Variants in SEPTIN7 observed in about 807,000 individuals in gnomAD.
SEPTIN7 encodes the protein septin 7.
Under a neutral mutation model 63.3 loss-of-function variants are expected in SEPTIN7, and 10 were observed. The ratio of observed to expected loss-of-function variants is 0.16; its 90% CI spans 0.10 to 0.27. The LOEUF is 0.27. Ranked by LOEUF, SEPTIN7 falls within the 10% of genes least tolerant of loss-of-function variation. The pLI, the probability that SEPTIN7 is intolerant of heterozygous loss-of-function variation, is 1.00. For synonymous variants in SEPTIN7, 131 were observed against 165.3 expected (o/e 0.79, Z 1.59); for missense variants, 310 against 521.0 (o/e 0.59, Z 3.94).
At chr7:35,801,509 C>T (rs899179224) in intron 1 of SEPTIN7, among the ~76,000 whole-genome samples, 2 of 151,310 alleles carry the variant, frequency 1.3e-5, no homozygotes, top group African/African-American at 2.4e-5. Context: ...GCGGCATTTC[C>T]TGTGCCGCGG....
chr7:35,914,672 T>TAC, the SEPTIN7 span, among the ~76,000 whole-genome samples: 29 of 142,444 alleles, frequency 2.0e-4, no homozygotes, highest in African/African-American at 7.3e-4. Flanking sequence ...TATATATATA[T>TAC]ACACACACAC....
At chr7:35,893,304 T>C (rs1025672640) in intron 11 of SEPTIN7, among the ~76,000 whole-genome samples, 5 of 152,138 alleles carry the variant, frequency 3.3e-5, no homozygotes, top group African/African-American at 1.2e-4. Flanking sequence ...GAATGGAAGG[T>C]GAACCTATTG....
intron 3 of SEPTIN7, among the ~76,000 whole-genome samples, chr7:35,838,934 G>T (rs908651269): frequency 3.9e-5 from 6 of 152,138 alleles, no homozygotes; most frequent in African/African-American, 1.4e-4. Context: ...TGCTTGGTTT[G>T]TTTTCTTTCT....
intron 11 of SEPTIN7, among the ~76,000 whole-genome samples, chr7:35,895,034 T>C (rs1482084427): frequency 6.6e-6 from 1 of 152,174 alleles, no homozygotes; most frequent in African/African-American, 2.4e-5. Flanking sequence ...TTTCTTTTTC[T>C]TGTTTTACTA....
chr7:35,810,836 G>C (rs1788658052), intron 1 of SEPTIN7, among the ~76,000 whole-genome samples: 1 of 150,862 alleles, frequency 6.6e-6, no homozygotes, highest in Non-Finnish European at 1.5e-5. Flanking sequence ...GTGAGACAGA[G>C]GCTCACTGCA....
chr7:35,873,424 C>T (rs6955933), intron 5 of SEPTIN7, among the ~76,000 whole-genome samples: 49,483 of 151,626 alleles, frequency 0.33, 8,294 homozygotes, highest in East Asian at 0.41. Context: ...AGCTGTGTTT[C>T]GACAGTAAAT....
chr7:35,852,407 T>G (rs898752913), intron 3 of SEPTIN7, among the ~76,000 whole-genome samples: 1 of 150,810 alleles, frequency 6.6e-6, no homozygotes, highest in African/African-American at 2.4e-5. Context: ...TTGGTACTTT[T>G]GAAAAAAAAA....
At chr7:35,842,359 A>G (rs1784450727) in intron 3 of SEPTIN7, among the ~76,000 whole-genome samples, 1 of 151,886 alleles carries the variant, frequency 6.6e-6, no homozygotes, top group African/African-American at 2.4e-5. Context: ...AAAAAAAAAA[A>G]ACCCTCATTT....
At chr7:35,858,206 A>G (rs573496480) in intron 3 of SEPTIN7, among the ~76,000 whole-genome samples, 1 of 152,170 alleles carries the variant, frequency 6.6e-6, no homozygotes, top group Non-Finnish European at 1.5e-5. Flanking sequence ...CGGCCTCCCA[A>G]AATTCTGAGA....
At chr7:35,828,836 C>G (rs56329851) in intron 1 of SEPTIN7, among the ~76,000 whole-genome samples, 23,056 of 152,204 alleles carry the variant, frequency 0.15, 2,046 homozygotes, top group Middle Eastern at 0.23. Context: ...TCACAGCTCA[C>G]TGAAGCCTCA....
At chr7:35,884,546 A>G (rs67144743) in intron 9 of SEPTIN7, among the ~76,000 whole-genome samples, 78,496 of 151,914 alleles carry the variant, frequency 0.52, 21,989 homozygotes, top group Admixed American at 0.63. Flanking sequence ...CTGGGGCCCA[A>G]AGTTTGCTCC....
chr7:35,837,331 C>T (rs993035698), intron 3 of SEPTIN7, among the ~76,000 whole-genome samples: 7 of 151,972 alleles, frequency 4.6e-5, no homozygotes, highest in East Asian at 1.9e-4. Context: ...CTTGTGATAT[C>T]GTACGTTCTT....
chr7:35,860,114 C>CTT (rs561134727), intron 3 of SEPTIN7, among the ~76,000 whole-genome samples: 2 of 140,984 alleles, frequency 1.4e-5, no homozygotes, highest in African/African-American at 2.6e-5. Context: ...ATTCCCTTCT[C>CTT]TTTTTTTTTT....
At position 35,863,563 on chromosome 7, in the gene SEPTIN7, T is replaced by C. The variant is rs1785631789; in HGVS notation, c.181T>C (p.Leu61=). Residue 61 remains leucine (L), a synonymous_variant, in exon 4 of 14, where the codon TTG becomes CTG. Transcript: ENST00000350320. The stretch of plus-strand genomic sequence containing the variant: ...CTTATTTCTTTTAGGTGAATCTGGA[T>C]TGGGAAAGTCGACATTAATCAACTC... ...FTLMVVGESG[L]GKSTLINSLF... The C allele has an allele frequency of 1.3e-6, 2 of 1,582,070 alleles. No homozygotes were observed. The highest frequency in any genetic ancestry group is 1.7e-5 in the Admixed American group (1 of 59,662).
Position 35,869,302 on chromosome 7 carries a change from CT to C in SEPTIN7, c.277-3361del, listed in dbSNP as rs1197802664. Among the ~76,000 whole-genome samples the C allele has an allele frequency of 2.0e-5, 3 of 152,132 alleles. No individual in the cohort carries two copies. In the East Asian group the frequency reaches 5.8e-4, roughly 29 times the overall value. On this transcript the variant is annotated intron_variant, in intron 4 of 13. Coordinates refer to ENST00000350320, the MANE Select transcript of SEPTIN7 (RefSeq NM_001788.6). ...TGGGTCTTGATGAGAAGGAGGTATT[CT>C]TTAAGCATAACTGTTTTACTATTGG...
At chr7:35,821,173 C>G (rs1789389406) in intron 1 of SEPTIN7, among the ~76,000 whole-genome samples, 1 of 152,186 alleles carries the variant, frequency 6.6e-6, no homozygotes, top group Non-Finnish European at 1.5e-5. Flanking sequence ...AGTTAAAATG[C>G]AAGAGCTGCT....
At chr7:35,819,745 A>G (rs2115781584) in intron 1 of SEPTIN7, among the ~76,000 whole-genome samples, 1 of 151,964 alleles carries the variant, frequency 6.6e-6, no homozygotes, top group East Asian at 1.9e-4. Flanking sequence ...TAGTGTAGCT[A>G]CTTCAGCTCT....
chr7:35,895,794 A>G (rs1787924731), intron 11 of SEPTIN7, among the ~76,000 whole-genome samples: 2 of 152,096 alleles, frequency 1.3e-5, no homozygotes, highest in Admixed American at 1.3e-4. Flanking sequence ...TTAAATACTT[A>G]AATTTTGAAT....
intron 1 of SEPTIN7, among the ~76,000 whole-genome samples, chr7:35,813,481 T>A (rs1389734839): frequency 6.6e-6 from 1 of 152,060 alleles, no homozygotes; most frequent in East Asian, 1.9e-4. Flanking sequence ...CTCTCCTGGG[T>A]TCAGCTGCTG....
Sources: gnomAD v4.1 joint callset for allele counts (sites outside exome capture counted in the v4.1 genomes callset) on GRCh38, gnomAD v4.1.1 for gene constraint, MANE v1.5 for transcripts, NCBI Gene and HGNC (gene_info 2026-07-23, HGNC 2026-07-21) for gene names.